DYNC2H1: variants seen among roughly 807,000 people sequenced by gnomAD.
DYNC2H1 encodes the protein cytoplasmic dynein 2 heavy chain 1.
In DYNC2H1, 410 loss-of-function variants were observed where a neutral mutation model predicts 570.0. The observed-to-expected ratio is 0.72, with a 90% CI of 0.66 to 0.78. The LOEUF (loss-of-function observed/expected upper bound fraction) is 0.78, where lower values mean the gene tolerates loss of function less well. Among genes scored for constraint, DYNC2H1 ranks in the 30% least tolerant of loss-of-function variants. The probability of loss-of-function intolerance (pLI) is 0.00; values close to 1 mark genes in which losing one functional copy is unlikely to be tolerated. For missense variants in DYNC2H1, 4,865 were observed against 5,046.4 expected (o/e 0.96, Z 1.09); for synonymous variants, 1,688 against 1,677.6 (o/e 1.01, Z -0.15).
In DYNC2H1 at chr11:103,116,553, A is replaced by G; in HGVS notation, c.622-17A>G. The G allele has an allele frequency of 1.3e-6, 2 of 1,561,248 alleles. No individual in the cohort carries two copies. The highest frequency in any genetic ancestry group is 2.7e-5 in the African/African-American group (2 of 73,330). On this transcript the variant is annotated splice_polypyrimidine_tract_variant and intron_variant, in intron 4 of 88. Transcript: ENST00000375735. ...ACAAATATAATTATGTTTAAAAATT[A>G]ATGCATTTTTTTCTAGGAGTTTTAT...
At chr11:103,251,649 A>G (rs1362437227) in intron 65 of DYNC2H1, among the ~76,000 whole-genome samples, 1 of 151,946 alleles carries the variant, frequency 6.6e-6, no homozygotes, top group Admixed American at 6.6e-5. Flanking sequence ...ATCATCCTAC[A>G]TATCTGCTAT....
rs1374860485 is a variant in DYNC2H1, at chr11:103,249,107, A to G, written c.10042+3733A>G. On this transcript the variant is annotated intron_variant, in intron 65 of 88. Transcript: ENST00000375735. This position sits in a 1 kb window ranked among gnomAD's most constrained non-coding sequence, Gnocchi z 4.6. Reference sequence around the variant, plus strand: ...AGGTTAATTCCAATGTAAATTAAGAATTCATACAGTTAAGACTGTGTTGGA... The same window carrying G: ...AGGTTAATTCCAATGTAAATTAAGAGTTCATACAGTTAAGACTGTGTTGGA... 6.6e-6 allele frequency among the ~76,000 whole-genome samples: 1 copy of G among 152,006 alleles called. No homozygotes were observed. The highest frequency in any genetic ancestry group is 1.9e-4 in the East Asian group (1 of 5,188).
Position 103,256,089 on chromosome 11 carries a change from G to A in DYNC2H1, c.10327-17G>A, listed in dbSNP as rs1444511037. 1.3e-6 allele frequency: 2 copies of A among 1,577,330 alleles called. No individual in the cohort carries two copies. Among genetic ancestry groups the A allele is most frequent in the Admixed American group, 1.8e-5 (1 of 56,466 alleles). ...TTATATGTATAATAATATTCATATTGTTAACTTTCCCTACAGACACTTGCC... is the reference window on the plus strand; with the variant it reads ...TTATATGTATAATAATATTCATATTATTAACTTTCCCTACAGACACTTGCC... On this transcript the variant is annotated splice_polypyrimidine_tract_variant and intron_variant, in intron 67 of 88. Coordinates refer to ENST00000375735, the MANE Select transcript of DYNC2H1 (RefSeq NM_001377.3). This position sits in a 1 kb window ranked among gnomAD's most constrained non-coding sequence, Gnocchi z 4.0.
chr11:103,410,992 A>T (rs1205990370), intron 84 of DYNC2H1, among the ~76,000 whole-genome samples: 2 of 152,108 alleles, frequency 1.3e-5, no homozygotes, highest in African/African-American at 4.8e-5. Flanking sequence ...GGTGATGTAG[A>T]GGGCATTTTT....
At chr11:103,413,664 T>G (rs532934353) in intron 84 of DYNC2H1, among the ~76,000 whole-genome samples, 1 of 152,198 alleles carries the variant, frequency 6.6e-6, no homozygotes, top group Non-Finnish European at 1.5e-5. Context: ...CTGCATATAC[T>G]CATCTTCAAA....
Position 103,122,961 on chromosome 11 carries a change from A to G in DYNC2H1, c.1622A>G (p.Asp541Gly). The part of the protein sequence containing the change: ...EQEQFDDWSR[D>G]IQSGLSDSRS... ...GAACAATTTGATGATTGGTCCAGGGATATTCAATCAGGTTTATCTGATTCC... is the reference window on the plus strand; with the variant it reads ...GAACAATTTGATGATTGGTCCAGGGGTATTCAATCAGGTTTATCTGATTCC... Residue 541 changes from aspartate to glycine, a missense_variant, in exon 11 of 89, where the codon GAT becomes GGT. Asp to Gly is a moderately conservative substitution (Grantham distance 94). Coordinates refer to ENST00000375735, the MANE Select transcript of DYNC2H1 (RefSeq NM_001377.3). 1.3e-6 allele frequency: 2 copies of G among 1,590,600 alleles called. No homozygotes were observed. Among genetic ancestry groups the G allele is most frequent in the African/African-American group, 1.3e-5 (1 of 74,678 alleles).
In DYNC2H1 at chr11:103,255,488, A is replaced by G; in HGVS notation, c.10280A>G (p.Glu3427Gly). The G allele has an allele frequency of 6.4e-7, 1 of 1,566,364 alleles. No individual in the cohort carries two copies. Among genetic ancestry groups the G allele is most frequent in the Non-Finnish European group, 8.7e-7 (1 of 1,154,368 alleles). ...EQKTKLLQQE[E>G]DKKIQLAKLE... Reference sequence around the variant, plus strand: ...AAAACAAAACTATTACAACAGGAAGAAGATAAGAAAATACAGCTAGCCAAG... The same window carrying G: ...AAAACAAAACTATTACAACAGGAAGGAGATAAGAAAATACAGCTAGCCAAG... Residue 3427 changes from glutamate to glycine, a missense_variant, in exon 67 of 89, where the codon GAA (glutamate) becomes GGA (glycine). Around this residue, in one of 5 missense-constraint regions of DYNC2H1, gnomAD observed 2,401 missense variants for 2,454.6 expected, o/e 0.98. Coordinates refer to ENST00000375735, the MANE Select transcript of DYNC2H1 (RefSeq NM_001377.3).
At chr11:103,457,817 T>C (rs1415566308) in intron 87 of DYNC2H1, among the ~76,000 whole-genome samples, 1 of 152,204 alleles carries the variant, frequency 6.6e-6, no homozygotes, top group Non-Finnish European at 1.5e-5. Context: ...GCAACTAGCT[T>C]TTCAGAAATT....
At chr11:103,335,590 T>G (rs1212793058) in intron 82 of DYNC2H1, among the ~76,000 whole-genome samples, 4 of 152,072 alleles carry the variant, frequency 2.6e-5, no homozygotes, top group African/African-American at 9.7e-5. Context: ...GTCATATAAT[T>G]TTTATATTGC....
In DYNC2H1 at chr11:103,365,612, AACC is replaced by A. The variant is rs567315619; in HGVS notation, c.12156+7254_12156+7256del. Reference sequence around the variant, plus strand: ...CATTGTTTAGATCTGGGCTGTTTCTAACCTTCAAACTTGTTGAATAGCCAAAGG... The same window carrying A: ...CATTGTTTAGATCTGGGCTGTTTCTATTCAAACTTGTTGAATAGCCAAAGG... On this transcript the variant is annotated intron_variant, in intron 83 of 88. Transcript: ENST00000375735. Among the ~76,000 whole-genome samples the A allele has an allele frequency of 3.6e-4, 55 of 152,346 alleles. No homozygotes were observed. In the East Asian group the frequency reaches 4.6e-3, roughly 13 times the overall value.
chr11:103,282,924 AT>A, intron 72 of DYNC2H1, 83 bp from the exon 73 acceptor site: 2 of 1,005,816 alleles, frequency 2.0e-6, no homozygotes, highest in Non-Finnish European at 2.9e-6. Context: ...TTTTTTCAAA[AT>A]AATAAAATAG....
At position 103,177,530 on chromosome 11, in the gene DYNC2H1, A is replaced by G. The variant is rs766441588; in HGVS notation, c.5875-26A>G. On this transcript the variant is annotated intron_variant, in intron 37 of 88. Transcript: ENST00000375735. This position sits in a 1 kb window ranked among gnomAD's most constrained non-coding sequence, Gnocchi z 4.4. ...AGTATGATTGAATATTATAAATCATATATGAACATATTTCTTTCCTACTAG... is the reference window on the plus strand; with the variant it reads ...AGTATGATTGAATATTATAAATCATGTATGAACATATTTCTTTCCTACTAG... 1.3e-6 allele frequency: 2 copies of G among 1,585,152 alleles called. No individual in the cohort carries two copies. Among genetic ancestry groups the G allele is most frequent in the Admixed American group, 1.9e-5 (1 of 52,034 alleles).
intron 30 of DYNC2H1, among the ~76,000 whole-genome samples, chr11:103,165,576 A>G (rs1246963495): frequency 6.6e-6 from 1 of 152,230 alleles, no homozygotes; most frequent in African/African-American, 2.4e-5. Flanking sequence ...TACTGGTTGA[A>G]AAGAAGCCAT....
At chr11:103,282,943 A>G (rs1420605790) in intron 72 of DYNC2H1, 65 bp from the exon 73 acceptor site, 2 of 1,158,030 alleles carry the variant, frequency 1.7e-6, no homozygotes, top group Non-Finnish European at 2.5e-6. Flanking sequence ...TAGCTAATCA[A>G]TTGCTATTTT....
intron 83 of DYNC2H1, among the ~76,000 whole-genome samples, chr11:103,389,161 C>T (rs1337634408): frequency 6.6e-6 from 1 of 152,048 alleles, no homozygotes; most frequent in African/African-American, 2.4e-5. Context: ...AAGCTATGAA[C>T]TATTGCCTCA....
At position 103,179,195 on chromosome 11, in the gene DYNC2H1, A is replaced by G; in HGVS notation, c.6309A>G (p.Ser2103=). The G allele has an allele frequency of 6.2e-7, 1 of 1,610,626 alleles. No homozygotes were observed. Among genetic ancestry groups the G allele is most frequent in the African/African-American group, 1.3e-5 (1 of 74,866 alleles). Residue 2103 remains serine (S), a synonymous_variant, in exon 39 of 89, where the codon TCA becomes TCG. Transcript: ENST00000375735. Reference sequence around the variant, plus strand: ...AAACTCATGATTTAAGTTGTGCATCACCAGCCACAATATCTAGAATGGGAA... The same window carrying G: ...AAACTCATGATTTAAGTTGTGCATCGCCAGCCACAATATCTAGAATGGGAA... ...VFETHDLSCA[S]PATISRMGMI... is the part of the protein sequence containing the mutation.
chr11:103,155,577 A>G, intron 25 of DYNC2H1, 76 bp downstream of exon 25: 2 of 1,421,288 alleles, frequency 1.4e-6, no homozygotes, highest in South Asian at 1.5e-5. Context: ...TTTTGTTTAA[A>G]TACAAAAAAA....
chr11:103,126,782 G>T (rs544577686), intron 12 of DYNC2H1, among the ~76,000 whole-genome samples: 13 of 152,088 alleles, frequency 8.5e-5, no homozygotes, highest in African/African-American at 3.1e-4. Flanking sequence ...GACTATAGGG[G>T]CCCGCCACCA....
chr11:103,401,504 C>G (rs1026404009), intron 84 of DYNC2H1, among the ~76,000 whole-genome samples: 3 of 152,018 alleles, frequency 2.0e-5, no homozygotes, highest in Non-Finnish European at 2.9e-5. Context: ...GGATTAAATG[C>G]TGTAGGCAAT....
Sources: gnomAD v4.1 joint callset for allele counts (sites outside exome capture counted in the v4.1 genomes callset) on GRCh38, gnomAD v4.1.1 for gene constraint, gnomAD v4.1.1 regional missense constraint, Gnocchi (gnomAD v3.1) non-coding constraint, MANE v1.5 for transcripts, NCBI Gene and HGNC (gene_info 2026-07-23, HGNC 2026-07-21) for gene names.